The following FHIT variants were observed in gnomAD, a reference collection of about 807,000 sequenced individuals.
The protein encoded by FHIT is bis(5'-adenosyl)-triphosphatase.
Under a neutral mutation model 17.9 loss-of-function variants are expected in FHIT, and 19 were observed. The observed-to-expected ratio is 1.06, with a 90% CI of 0.74 to 1.56. The LOEUF (loss-of-function observed/expected upper bound fraction) is 1.56. FHIT is among the 40% of genes most tolerant of loss of function. The pLI, the probability that FHIT is intolerant of heterozygous loss-of-function variation, is 0.00. For synonymous variants in FHIT, 81 were observed against 69.7 expected, an observed-to-expected ratio of 1.16 and a Z score of -0.81; for missense variants, 248 against 189.2, an observed-to-expected ratio of 1.31 and a Z score of -1.82.
In FHIT at chr3:59,989,117, A is replaced by C. The variant is rs144316937; in HGVS notation, c.279+22254T>G. Among the ~76,000 whole-genome samples, 51 of 152,178 alleles carry C rather than the reference A, an allele frequency of 3.4e-4. No homozygotes were observed. The East Asian group carries it at 5.2e-3, about 16-fold the overall frequency. On this transcript the variant is annotated intron_variant, in intron 7 of 9. Transcript: ENST00000492590. ...AATCTGAAGTACCTGGAAATTGGAA[A>C]AAATAGATGAACAGTGATTTTATCT...
At chr3:61,031,236 G>A (rs2032996474) in intron 3 of FHIT, among the ~76,000 whole-genome samples, 1 of 152,286 alleles carries the variant, frequency 6.6e-6, no homozygotes, top group Middle Eastern at 3.4e-3. Context: ...GCTTGTTAAT[G>A]ATACACAAAC....
chr3:61,071,453 T>C (rs947561615), intron 2 of FHIT, among the ~76,000 whole-genome samples: 8 of 152,220 alleles, frequency 5.3e-5, no homozygotes, highest in African/African-American at 1.9e-4. Flanking sequence ...ATATCATGTG[T>C]GGATGCTCAT....
intron 2 of FHIT, among the ~76,000 whole-genome samples, chr3:61,090,133 C>T: frequency 6.6e-6 from 1 of 152,180 alleles, no homozygotes; most frequent in East Asian, 1.9e-4. Flanking sequence ...ATCAAAATAG[C>T]CCCCCAAAAT....
chr3:60,684,731 C>A (rs1344063184), intron 4 of FHIT, among the ~76,000 whole-genome samples: 1 of 152,236 alleles, frequency 6.6e-6, no homozygotes, highest in Admixed American at 6.5e-5. Flanking sequence ...CAGACTAGAT[C>A]ACCAAAGCAA....
At chr3:60,465,050 T>G (rs924954328) in intron 5 of FHIT, among the ~76,000 whole-genome samples, 5 of 152,118 alleles carry the variant, frequency 3.3e-5, no homozygotes, top group Non-Finnish European at 7.4e-5. Flanking sequence ...ATCTTTTCAT[T>G]ATTTTGTGTC....
chr3:60,036,557 A>C (rs888758047), intron 5 of FHIT, among the ~76,000 whole-genome samples: 1 of 152,206 alleles, frequency 6.6e-6, no homozygotes, highest in Non-Finnish European at 1.5e-5. Flanking sequence ...TATTTATATC[A>C]TAAAGATACT....
rs549283528 is a variant in FHIT at position 59,871,137 on chromosome 3, A to G, written c.348+51209T>C. On this transcript the variant is annotated intron_variant, in intron 8 of 9. Coordinates refer to ENST00000492590, the MANE Select transcript of FHIT (RefSeq NM_002012.4). Reference sequence around the variant, plus strand: ...GGACTGGCACTGATCCTCCAGCGACATTTTGAATGGCCTACTCCATAATTT... The same window carrying G: ...GGACTGGCACTGATCCTCCAGCGACGTTTTGAATGGCCTACTCCATAATTT... Among the ~76,000 whole-genome samples, 17 of 152,262 alleles carry G rather than the reference A, an allele frequency of 1.1e-4. 1 individual carries two copies. The South Asian group carries it at 3.1e-3, about 28-fold the overall frequency.
At chr3:60,718,938 G>A (rs192272010) in intron 4 of FHIT, among the ~76,000 whole-genome samples, 40 of 152,286 alleles carry the variant, frequency 2.6e-4, no homozygotes, top group African/African-American at 8.9e-4. Context: ...GACTGGGCTA[G>A]AGTTCTCTGG....
intron 2 of FHIT, among the ~76,000 whole-genome samples, chr3:61,110,820 G>A (rs1342461991): frequency 6.6e-6 from 1 of 152,126 alleles, no homozygotes; most frequent in Admixed American, 6.6e-5. Context: ...TAGTGCTGGT[G>A]TGATAGAAAG....
intron 4 of FHIT, among the ~76,000 whole-genome samples, chr3:60,654,398 G>C (rs2107812449): frequency 6.6e-6 from 1 of 152,194 alleles, no homozygotes; most frequent in East Asian, 1.9e-4. Flanking sequence ...ATCTCAGGAT[G>C]ATTCTACACA....
chr3:59,809,531 A>T (rs1700331698), intron 8 of FHIT, among the ~76,000 whole-genome samples: 1 of 152,180 alleles, frequency 6.6e-6, no homozygotes, highest in Admixed American at 6.5e-5. Flanking sequence ...ATACACTCCC[A>T]ATTCCCTCTT....
chr3:61,003,852 T>C (rs944792833), intron 3 of FHIT, among the ~76,000 whole-genome samples: 2 of 152,392 alleles, frequency 1.3e-5, no homozygotes, highest in African/African-American at 4.8e-5. Context: ...AAATCTGGCA[T>C]GTCCATTTCT....
At chr3:61,190,869 G>A (rs920760869) in intron 2 of FHIT, among the ~76,000 whole-genome samples, 1 of 147,628 alleles carries the variant, frequency 6.8e-6, no homozygotes, top group Non-Finnish European at 1.5e-5. Flanking sequence ...TTCATAGCTG[G>A]GAATTGAACA....
chr3:61,114,565 A>G (rs995471274), intron 2 of FHIT, among the ~76,000 whole-genome samples: 8 of 151,280 alleles, frequency 5.3e-5, no homozygotes, highest in African/African-American at 1.2e-4. Context: ...CACAGAGGGG[A>G]AAAAAAAACA....
chr3:60,921,811 C>A (rs926819601), intron 3 of FHIT, among the ~76,000 whole-genome samples: 9 of 152,206 alleles, frequency 5.9e-5, no homozygotes, highest in South Asian at 2.1e-4. Flanking sequence ...CCATCTGGGG[C>A]AGCTTAGGGA....
intron 7 of FHIT, among the ~76,000 whole-genome samples, chr3:60,008,466 AG>A (rs1409654480): frequency 2.0e-5 from 3 of 152,146 alleles, no homozygotes; most frequent in African/African-American, 7.2e-5. Flanking sequence ...CAGAATTTAA[AG>A]CCCCTGAAAC....
intron 5 of FHIT, among the ~76,000 whole-genome samples, chr3:60,496,427 G>A (rs1207766314): frequency 1.3e-5 from 2 of 152,182 alleles, no homozygotes; most frequent in African/African-American, 4.8e-5. Context: ...TTGGAGAAAT[G>A]AGAATTAATC....
intron 7 of FHIT, among the ~76,000 whole-genome samples, chr3:59,931,974 T>A (rs199843789): frequency 6.6e-6 from 1 of 151,034 alleles, no homozygotes; most frequent in East Asian, 1.9e-4. Flanking sequence ...TCTTTTCAAG[T>A]AAAAAAAAAG....
At chr3:60,075,440 A>C (rs1159001992) in intron 5 of FHIT, among the ~76,000 whole-genome samples, 1 of 152,172 alleles carries the variant, frequency 6.6e-6, no homozygotes, top group African/African-American at 2.4e-5. Flanking sequence ...CATTTAAAAA[A>C]TAATACAATA....
Sources: gnomAD v4.1 joint callset for allele counts (sites outside exome capture counted in the v4.1 genomes callset) on GRCh38, gnomAD v4.1.1 for gene constraint, MANE v1.5 for transcripts, NCBI Gene and HGNC (gene_info 2026-07-23, HGNC 2026-07-21) for gene names.